Variants in KHDRBS2 observed in about 807,000 individuals in gnomAD.
KHDRBS2 encodes KH RNA binding domain containing, signal transduction associated 2, also known as KH domain-containing, RNA-binding, signal transduction-associated protein 2.
KHDRBS2 carries 26 observed loss-of-function variants against 44.3 expected under a neutral mutation model. The ratio of observed to expected loss-of-function variants is 0.59; its 90% CI spans 0.43 to 0.81. KHDRBS2 has a LOEUF of 0.81. Ranked by LOEUF, KHDRBS2 falls within the 40% of genes least tolerant of loss-of-function variation. KHDRBS2 has a pLI of 0.00. For synonymous variants in KHDRBS2, 194 were observed against 151.1 expected (o/e 1.28, Z -2.08); for missense variants, 476 against 433.1 (o/e 1.10, Z -0.88).
At chr6:61,934,328 C>T (rs1295677987) in intron 4 of KHDRBS2, among the ~76,000 whole-genome samples, 6 of 151,992 alleles carry the variant, frequency 3.9e-5, no homozygotes, top group Non-Finnish European at 8.8e-5. Context: ...TCTGTTTTTG[C>T]TTTTATTGCT....
intron 1 of KHDRBS2, among the ~76,000 whole-genome samples, chr6:62,238,723 C>T (rs1181641986): frequency 3.5e-5 from 5 of 142,184 alleles, no homozygotes; most frequent in African/African-American, 1.0e-4. Context: ...CACACACACA[C>T]ATATATTTGA....
intron 6 of KHDRBS2, among the ~76,000 whole-genome samples, chr6:61,752,685 A>AAAAAAAAAAAAAAC: frequency 6.6e-6 from 1 of 150,638 alleles, no homozygotes; most frequent in Non-Finnish European, 1.5e-5. Context: ...AAAAAAAAAA[A>AAAAAAAAAAAAAAC]AAAAAAAAGA....
At chr6:62,097,539 T>C (rs940326915) in intron 2 of KHDRBS2, among the ~76,000 whole-genome samples, 2 of 152,098 alleles carry the variant, frequency 1.3e-5, no homozygotes, top group East Asian at 1.9e-4. Context: ...AATATAAGCA[T>C]AGCTAATCCA....
chr6:61,687,512 G>A (rs780437467), intron 8 of KHDRBS2, among the ~76,000 whole-genome samples: 5 of 151,736 alleles, frequency 3.3e-5, no homozygotes, highest in African/African-American at 4.8e-5. Flanking sequence ...TCCCTCAGAT[G>A]GATTCCTTCA....
intron 2 of KHDRBS2, among the ~76,000 whole-genome samples, chr6:62,172,602 C>A (rs751795769): frequency 6.7e-6 from 1 of 150,242 alleles, no homozygotes; most frequent in Non-Finnish European, 1.5e-5. Flanking sequence ...ATCTAAAGAA[C>A]TCTCTACCCC....
rs377162695 is a variant in KHDRBS2 at position 62,138,932 on chromosome 6, C to T, written c.219+38253G>A. On this transcript the variant is annotated intron_variant, in intron 2 of 8. Transcript: ENST00000281156. ...AATTGGTTATTTTAAATTATTCCCCCAAGGCAGTGTATAAAAACGGCCATG... is the reference window on the plus strand; with the variant it reads ...AATTGGTTATTTTAAATTATTCCCCTAAGGCAGTGTATAAAAACGGCCATG... Among the ~76,000 whole-genome samples the T allele has an allele frequency of 4.7e-3, 711 of 152,226 alleles. 8 individuals carry two copies. The highest frequency in any genetic ancestry group is 0.016 in the African/African-American group (675 of 41,540).
At chr6:61,920,279 G>A (rs141290109) in intron 4 of KHDRBS2, among the ~76,000 whole-genome samples, 21 of 151,762 alleles carry the variant, frequency 1.4e-4, no homozygotes, top group South Asian at 8.3e-4. Flanking sequence ...AGTCATTCTG[G>A]GGCCTAAATT....
At chr6:62,062,057 C>T (rs1336547041) in intron 2 of KHDRBS2, among the ~76,000 whole-genome samples, 1 of 151,352 alleles carries the variant, frequency 6.6e-6, no homozygotes, top group African/African-American at 2.4e-5. Flanking sequence ...GTAAAGGGAT[C>T]AATTCAACAA....
chr6:62,034,748 A>C (rs1406840049), intron 3 of KHDRBS2, among the ~76,000 whole-genome samples: 2 of 151,630 alleles, frequency 1.3e-5, no homozygotes, highest in African/African-American at 4.8e-5. Flanking sequence ...GATGACAAGA[A>C]TGCCCACTTT....
chr6:61,705,491 C>T (rs2127547829), intron 7 of KHDRBS2, among the ~76,000 whole-genome samples: 1 of 151,900 alleles, frequency 6.6e-6, no homozygotes, highest in South Asian at 2.1e-4. Context: ...TAGCCCAAGA[C>T]CAGAAAAGAA....
intron 1 of KHDRBS2, among the ~76,000 whole-genome samples, chr6:62,279,292 A>G: frequency 6.6e-6 from 1 of 152,188 alleles, no homozygotes; most frequent in East Asian, 1.9e-4. Context: ...AAACTTTCAA[A>G]GTGGCCTCCT....
chr6:62,092,311 G>T (rs1405397470), intron 2 of KHDRBS2, among the ~76,000 whole-genome samples: 1 of 152,048 alleles, frequency 6.6e-6, no homozygotes, highest in Non-Finnish European at 1.5e-5. Context: ...TCATATTCTT[G>T]AGAGTAGAAA....
At chr6:61,809,313 G>A (rs9294629) in intron 6 of KHDRBS2, among the ~76,000 whole-genome samples, 1 of 152,118 alleles carries the variant, frequency 6.6e-6, no homozygotes. Flanking sequence ...TAGAAGAAAA[G>A]CTATTACTGC....
At chr6:61,740,348 C>T (rs1001656956) in intron 6 of KHDRBS2, among the ~76,000 whole-genome samples, 1 of 151,864 alleles carries the variant, frequency 6.6e-6, no homozygotes, top group Non-Finnish European at 1.5e-5. Flanking sequence ...CACAAAATGT[C>T]TAAGAAACAG....
At chr6:61,614,360 A>G in the KHDRBS2 span, among the ~76,000 whole-genome samples, 17 of 152,198 alleles carry the variant, frequency 1.1e-4, no homozygotes, top group Non-Finnish European at 2.4e-4. Context: ...ATCAGAATGG[A>G]TCTACAATCT....
chr6:61,995,694 A>G (rs1277916756), intron 3 of KHDRBS2, among the ~76,000 whole-genome samples: 1 of 152,126 alleles, frequency 6.6e-6, no homozygotes, highest in Non-Finnish European at 1.5e-5. Context: ...ATTGGACTTT[A>G]GTTATTTTAA....
Position 61,740,147 on chromosome 6 carries a change from G to A in KHDRBS2, c.811-7383C>T, listed in dbSNP as rs75206026. Among the ~76,000 whole-genome samples, 404 of 151,992 alleles carry A rather than the reference G, an allele frequency of 2.7e-3. 3 individuals are homozygous for A. Among genetic ancestry groups the A allele is most frequent in the Non-Finnish European group, 3.7e-3 (252 of 67,858 alleles). ...ACTGGAGGAATGGCTAAATAGGTCT[G>A]AGGATTTCAAGGAGAATTTCCCCGA... is the stretch of plus-strand genomic sequence containing the variant. On this transcript the variant is annotated intron_variant, in intron 6 of 8. Coordinates refer to ENST00000281156, the MANE Select transcript of KHDRBS2 (RefSeq NM_152688.4).
At chr6:61,962,985 T>C (rs1486938845) in intron 4 of KHDRBS2, among the ~76,000 whole-genome samples, 1 of 152,126 alleles carries the variant, frequency 6.6e-6, no homozygotes, top group Non-Finnish European at 1.5e-5. Flanking sequence ...CAATGCTAAA[T>C]ATTTGTGCTG....
At chr6:62,273,245 C>T (rs538472105) in intron 1 of KHDRBS2, among the ~76,000 whole-genome samples, 162 of 152,220 alleles carry the variant, frequency 1.1e-3, no homozygotes, top group African/African-American at 3.7e-3. Flanking sequence ...TTACTTACTC[C>T]TAGCTCTCCT....
Sources: gnomAD v4.1 joint callset for allele counts (sites outside exome capture counted in the v4.1 genomes callset) on GRCh38, gnomAD v4.1.1 for gene constraint, MANE v1.5 for transcripts, NCBI Gene and HGNC (gene_info 2026-07-23, HGNC 2026-07-21) for gene names.